Variants in COMMD10 observed in about 807,000 individuals in gnomAD.
The protein encoded by COMMD10 is COMM domain-containing protein 10.
In COMMD10, 33 loss-of-function variants were observed where a neutral mutation model predicts 28.9. The ratio of observed to expected loss-of-function variants is 1.14; its 90% CI spans 0.87 to 1.53. The LOEUF is 1.53. Ranked by LOEUF, COMMD10 falls within the 40% of genes most tolerant of loss-of-function variation. COMMD10 has a pLI of 0.00. For missense variants in COMMD10, 310 were observed against 233.4 expected, an observed-to-expected ratio of 1.33 and a Z score of -2.14; for synonymous variants, 110 against 81.7, an observed-to-expected ratio of 1.35 and a Z score of -1.87.
chr5:116,167,584 G>A (rs1753169449), intron 5 of COMMD10, among the ~76,000 whole-genome samples: 1 of 152,094 alleles, frequency 6.6e-6, no homozygotes, highest in South Asian at 2.1e-4. Flanking sequence ...AATGTTAAGG[G>A]CAGCCAGAGA....
chr5:116,101,382 C>T (rs536978641), intron 4 of COMMD10, among the ~76,000 whole-genome samples: 5 of 151,940 alleles, frequency 3.3e-5, no homozygotes, highest in African/African-American at 1.2e-4. Flanking sequence ...TCTCCACATC[C>T]TTGTTAACAT....
intron 5 of COMMD10, among the ~76,000 whole-genome samples, chr5:116,273,976 T>G (rs1227271374): frequency 6.6e-6 from 1 of 151,802 alleles, no homozygotes; most frequent in African/African-American, 2.4e-5. Flanking sequence ...TATCAGTCAT[T>G]ACTAATGTCA....
At chr5:116,246,118 TAAAC>T (rs923840797) in intron 5 of COMMD10, among the ~76,000 whole-genome samples, 3 of 152,136 alleles carry the variant, frequency 2.0e-5, no homozygotes, top group Admixed American at 2.0e-4. Context: ...CTTAAGCTGA[TAAAC>T]AACTTCAGCA....
chr5:116,187,315 AT>A (rs2112605732), intron 5 of COMMD10, among the ~76,000 whole-genome samples: 1 of 152,292 alleles, frequency 6.6e-6, no homozygotes, highest in South Asian at 2.1e-4. Context: ...AAATGAATAG[AT>A]AGCAGTGGCA....
chr5:116,131,075 C>G (rs752638527), intron 4 of COMMD10, among the ~76,000 whole-genome samples: 45 of 151,854 alleles, frequency 3.0e-4, no homozygotes, highest in East Asian at 3.9e-4. Flanking sequence ...GGACAGAACA[C>G]TTAATTGGAG....
chr5:116,156,729 A>T (rs767529433), intron 5 of COMMD10, among the ~76,000 whole-genome samples: 5 of 152,046 alleles, frequency 3.3e-5, no homozygotes, highest in Admixed American at 6.6e-5. Flanking sequence ...GTTCTTTATA[A>T]TTCTTTTAGA....
At chr5:116,263,506 T>C (rs1029903715) in intron 5 of COMMD10, among the ~76,000 whole-genome samples, 2 of 151,786 alleles carry the variant, frequency 1.3e-5, no homozygotes, top group African/African-American at 4.9e-5. Flanking sequence ...TTCCTTCCTT[T>C]CTTTCCAGAT....
Position 116,292,526 on chromosome 5 carries a change from C to T in COMMD10, c.*37C>T. ...ACTGTTTTTTTCATCACGCTCCTGC[C>T]ACCTCATTATTTTGCATTGAAGATA... On this transcript the variant is annotated 3_prime_UTR_variant, in exon 7 of 7. Coordinates refer to ENST00000274458, the MANE Select transcript of COMMD10 (RefSeq NM_016144.4). 2.6e-6 allele frequency: 4 copies of T among 1,548,532 alleles called. No individual in the cohort carries two copies. The highest frequency in any genetic ancestry group is 3.5e-6 in the Non-Finnish European group (4 of 1,141,388).
At chr5:116,133,187 A>G (rs772292521) in intron 4 of COMMD10, among the ~76,000 whole-genome samples, 5 of 152,164 alleles carry the variant, frequency 3.3e-5, no homozygotes, top group Non-Finnish European at 5.9e-5. Context: ...ATTGCATTTC[A>G]CAAAACTTCC....
At chr5:116,213,856 T>C (rs1749030702) in intron 5 of COMMD10, among the ~76,000 whole-genome samples, 1 of 152,166 alleles carries the variant, frequency 6.6e-6, no homozygotes, top group African/African-American at 2.4e-5. Flanking sequence ...GAAATTTTAC[T>C]TATATACCCA....
chr5:116,147,313 G>A (rs1193044837), intron 5 of COMMD10, among the ~76,000 whole-genome samples: 1 of 151,846 alleles, frequency 6.6e-6, no homozygotes, highest in Non-Finnish European at 1.5e-5. Flanking sequence ...TGGGGTTGAT[G>A]AAGCAGTATT....
chr5:116,125,792 A>G (rs1751608929), intron 4 of COMMD10, among the ~76,000 whole-genome samples: 1 of 151,746 alleles, frequency 6.6e-6, no homozygotes, highest in Admixed American at 6.6e-5. Context: ...CATTTCATTC[A>G]TTTGATCGTC....
chr5:116,258,658 G>T (rs985313464), intron 5 of COMMD10, among the ~76,000 whole-genome samples: 2 of 151,688 alleles, frequency 1.3e-5, no homozygotes, highest in African/African-American at 2.4e-5. Context: ...TTGCTAAAAA[G>T]ATTTCTGATA....
At chr5:116,259,154 C>G (rs1580591643) in intron 5 of COMMD10, among the ~76,000 whole-genome samples, 1 of 150,310 alleles carries the variant, frequency 6.7e-6, no homozygotes, top group Non-Finnish European at 1.5e-5. Flanking sequence ...CCTCTGCTTC[C>G]TGGGTTCAAG....
chr5:116,128,871 T>C (rs1751753931), intron 4 of COMMD10, among the ~76,000 whole-genome samples: 1 of 152,004 alleles, frequency 6.6e-6, no homozygotes, highest in African/African-American at 2.4e-5. Context: ...GATTTTTTGG[T>C]TAGAATACTG....
At position 116,153,330 on chromosome 5, in the gene COMMD10, C is replaced by T. The variant is rs961309763; in HGVS notation, c.510+19152C>T. On this transcript the variant is annotated intron_variant, in intron 5 of 6. Coordinates refer to ENST00000274458, the MANE Select transcript of COMMD10 (RefSeq NM_016144.4). ...GCTCATTTGGAGGCTGAGGGGGCAT[C>T]TGATTTCTTCATAATATTATATAAA... Among the ~76,000 whole-genome samples, 56 of 151,820 alleles carry T rather than the reference C, an allele frequency of 3.7e-4. 1 individual carries two copies. The highest frequency in any genetic ancestry group is 5.9e-5 in the Non-Finnish European group (4 of 67,982).
At chr5:116,139,209 A>G (rs1313450121) in intron 5 of COMMD10, among the ~76,000 whole-genome samples, 1 of 151,760 alleles carries the variant, frequency 6.6e-6, no homozygotes, top group Middle Eastern at 3.2e-3. Context: ...CTCTAGATTT[A>G]ATTTTTCTTT....
intron 4 of COMMD10, among the ~76,000 whole-genome samples, chr5:116,101,990 T>C (rs1426264681): frequency 6.6e-6 from 1 of 152,200 alleles, no homozygotes; most frequent in African/African-American, 2.4e-5. Flanking sequence ...TTTGCAAATA[T>C]TTTCTCCCAT....
At chr5:116,227,048 T>A (rs532382295) in intron 5 of COMMD10, among the ~76,000 whole-genome samples, 1 of 152,032 alleles carries the variant, frequency 6.6e-6, no homozygotes, top group South Asian at 2.1e-4. Context: ...ACTCTCCCCC[T>A]CTTTTGCCTT....
Sources: allele counts gnomAD v4.1 joint callset (sites outside exome capture counted in the v4.1 genomes callset), GRCh38; gene constraint gnomAD v4.1.1; transcripts MANE v1.5; gene names NCBI Gene and HGNC (gene_info 2026-07-23, HGNC 2026-07-21).